SENP5: variants seen among roughly 807,000 people sequenced by gnomAD.
The protein encoded by SENP5 is SUMO specific peptidase 5.
Under a neutral mutation model 74.2 loss-of-function variants are expected in SENP5, and 21 were observed. The observed-to-expected ratio is 0.28, with a 90% confidence interval of 0.20 to 0.41. The LOEUF (loss-of-function observed/expected upper bound fraction) is 0.41, where lower values mean the gene tolerates loss of function less well. Ranked by LOEUF, SENP5 falls within the 10% of genes least tolerant of loss-of-function variation. The pLI is 1.00. For missense variants in SENP5, 717 were observed against 889.1 expected, an observed-to-expected ratio of 0.81 and a Z score of 2.46; for synonymous variants, 311 against 312.7, an observed-to-expected ratio of 0.99 and a Z score of 0.06.
chr3:196,886,004 C>G lies in SENP5; in HGVS notation c.823C>G (p.His275Asp). 6.2e-7 allele frequency: 1 copy of G among 1,614,172 alleles called. No individual in the cohort carries two copies. Among genetic ancestry groups the G allele is most frequent in the Non-Finnish European group, 8.5e-7 (1 of 1,180,038 alleles). ...CTGGGTACAGAAAGTCACTGGGGAC[C>G]ATCAAGAGACCCGTAGGGAGAACGG... ...RSWVQKVTGD[H>D]QETRRENGEG... Residue 275 changes from histidine to aspartate, a missense_variant, in exon 2 of 10, where the codon CAT (histidine) becomes GAT (aspartate). Transcript: ENST00000323460.
In SENP5 at chr3:196,929,708, A is replaced by G. The variant is rs145947941; in HGVS notation, c.2157+25A>G. 9.3e-3 allele frequency: 14,406 copies of G among 1,544,816 alleles called. 507 individuals carry two copies. The Admixed American group carries it at 0.1, about 11-fold the overall frequency. On this transcript the variant is annotated intron_variant, in intron 9 of 9. Coordinates refer to ENST00000323460, the MANE Select transcript of SENP5 (RefSeq NM_152699.5). ...GGTAAAGAAACACTTGCTTTTCGGA[A>G]CTTACAATGTGTGAATTGAGTCTGT...
intron 1 of SENP5, among the ~76,000 whole-genome samples, chr3:196,884,677 T>G (rs993495627): frequency 1.3e-5 from 2 of 149,676 alleles, no homozygotes; most frequent in Admixed American, 6.7e-5. Flanking sequence ...TTTTTTTGTT[T>G]TTTTTTTTTT....
At chr3:196,870,788 G>T (rs1713181001) in intron 1 of SENP5, among the ~76,000 whole-genome samples, 1 of 152,044 alleles carries the variant, frequency 6.6e-6, no homozygotes, top group Non-Finnish European at 1.5e-5. Context: ...AAAGCGCGGG[G>T]ATTACAGGTG....
Position 196,891,631 on chromosome 3 carries a change from A to G in SENP5, c.1513+4937A>G, listed in dbSNP as rs561844053. Among the ~76,000 whole-genome samples, 16 of 152,250 alleles carry G rather than the reference A, an allele frequency of 1.1e-4. No individual in the cohort carries two copies. The East Asian group carries it at 2.5e-3, about 24-fold the overall frequency. ...ATGTATATAGATTTAGCGAGACTCT[A>G]TTGCTACAAAAAATAAAATTATCTG... On this transcript the variant is annotated intron_variant, in intron 2 of 9. Coordinates refer to ENST00000323460, the MANE Select transcript of SENP5 (RefSeq NM_152699.5).
At chr3:196,876,624 T>G (rs765100118) in intron 1 of SENP5, among the ~76,000 whole-genome samples, 5 of 151,048 alleles carry the variant, frequency 3.3e-5, no homozygotes, top group Non-Finnish European at 5.9e-5. Context: ...ATGTGATGGC[T>G]CGTGTCTATA....
At chr3:196,898,525 T>A (rs1296637079) in intron 2 of SENP5, among the ~76,000 whole-genome samples, 1 of 150,670 alleles carries the variant, frequency 6.6e-6, no homozygotes, top group Admixed American at 6.6e-5. Flanking sequence ...AGCCCAGGAG[T>A]TTGAGGCTGT....
At chr3:196,887,079 G>C (rs1049386477) in intron 2 of SENP5, among the ~76,000 whole-genome samples, 1 of 152,210 alleles carries the variant, frequency 6.6e-6, no homozygotes, top group African/African-American at 2.4e-5. Context: ...CAGTCTTACA[G>C]ATCACAGAGT....
At chr3:196,874,407 G>A (rs932527517) in intron 1 of SENP5, among the ~76,000 whole-genome samples, 6 of 151,662 alleles carry the variant, frequency 4.0e-5, no homozygotes, top group Admixed American at 3.3e-4. Context: ...TCCTGCAAAT[G>A]TCAAGAGAAT....
chr3:196,876,603 AAGTC>A (rs1560138452), intron 1 of SENP5, among the ~76,000 whole-genome samples: 1 of 151,976 alleles, frequency 6.6e-6, no homozygotes, highest in African/African-American at 2.4e-5. Context: ...TTGGAAGACA[AAGTC>A]AGATAGATGT....
chr3:196,902,791 A>G (rs989065422), intron 5 of SENP5, among the ~76,000 whole-genome samples: 15 of 152,248 alleles, frequency 9.9e-5, no homozygotes, highest in African/African-American at 3.6e-4. Context: ...CTGTACAGCC[A>G]GGGTAATTCT....
At chr3:196,929,162 C>T (rs1411649091) in intron 8 of SENP5, 2 of 153,666 alleles carry the variant, frequency 1.3e-5, no homozygotes, top group East Asian at 3.8e-4. Context: ...CGCGAAAAAC[C>T]CAAAACAAAA....
chr3:196,868,450 C>T (rs1414986583), intron 1 of SENP5, among the ~76,000 whole-genome samples: 1 of 152,242 alleles, frequency 6.6e-6, no homozygotes, highest in Non-Finnish European at 1.5e-5. Flanking sequence ...ACCGCTCTGC[C>T]TCCTTCCGGC....
intron 1 of SENP5, among the ~76,000 whole-genome samples, chr3:196,873,315 C>G (rs971461005): frequency 6.6e-6 from 1 of 151,670 alleles, no homozygotes; most frequent in East Asian, 2.0e-4. Context: ...TCAGGTGATT[C>G]GCCTGCCTCG....
Position 196,868,067 on chromosome 3 carries a change from G to T in SENP5, c.-38G>T, listed in dbSNP as rs1047652684. On this transcript the variant is annotated 5_prime_UTR_variant, in exon 1 of 10. Transcript: ENST00000323460. Reference sequence around the variant, plus strand: ...GGCGGGGCAGCTGCCAGGAACGAGGGTAGCAGGTAAGCGGGGACGCGGGCA... The same window carrying T: ...GGCGGGGCAGCTGCCAGGAACGAGGTTAGCAGGTAAGCGGGGACGCGGGCA... 5.3e-5 allele frequency: 8 copies of T among 152,328 alleles called. No individual in the cohort carries two copies. Among genetic ancestry groups the T allele is most frequent in the Admixed American group, 3.9e-4 (6 of 15,280 alleles). The allele number at this position is 152,328 out of a possible 1,614,324, so 9.4% of individuals were successfully genotyped here. A position where few individuals can be genotyped will look rare whatever the true frequency, so the allele number is the denominator to read the frequency against.
At chr3:196,909,454 C>CA (rs1231577721) in intron 6 of SENP5, among the ~76,000 whole-genome samples, 1 of 152,090 alleles carries the variant, frequency 6.6e-6, no homozygotes, top group African/African-American at 2.4e-5. Context: ...GGCAGAGACA[C>CA]AAAAAAAGAA....
At chr3:196,913,607 T>A (rs1715226805) in intron 6 of SENP5, among the ~76,000 whole-genome samples, 1 of 142,728 alleles carries the variant, frequency 7.0e-6, no homozygotes. Flanking sequence ...GACCCTGAAC[T>A]CAGTAGAAGA....
At chr3:196,918,224 G>A (rs1336792564) in intron 6 of SENP5, among the ~76,000 whole-genome samples, 2 of 151,328 alleles carry the variant, frequency 1.3e-5, no homozygotes, top group Non-Finnish European at 2.9e-5. Flanking sequence ...GGAGAATGGC[G>A]TGAACCTGGG....
In SENP5 at chr3:196,933,759, C is replaced by G. The variant is rs1356836115; in HGVS notation, c.*2836C>G. ...GGGACTACAGGTGTGCGCCACCACT[C>G]CCAGCTAATTTTTGTATTTTTAGTA... On this transcript the variant is annotated 3_prime_UTR_variant, in exon 10 of 10. Transcript: ENST00000323460. 6.6e-6 allele frequency: 1 copy of G among 152,126 alleles called. No individual in the cohort carries two copies. Among genetic ancestry groups the G allele is most frequent in the African/African-American group, 2.4e-5 (1 of 41,414 alleles). 9.4% of individuals were successfully genotyped at this position (152,126 alleles called of 1,614,324 possible).
At chr3:196,919,143 T>A (rs943223978) in intron 6 of SENP5, among the ~76,000 whole-genome samples, 2 of 152,000 alleles carry the variant, frequency 1.3e-5, no homozygotes, top group Non-Finnish European at 2.9e-5. Flanking sequence ...AACAATGCAA[T>A]AATAGCTAGA....
Sources: gnomAD v4.1 joint callset for allele counts (sites outside exome capture counted in the v4.1 genomes callset) on GRCh38, gnomAD v4.1.1 for gene constraint, MANE v1.5 for transcripts, NCBI Gene and HGNC (gene_info 2026-07-23, HGNC 2026-07-21) for gene names.